EEPD1: variants seen among roughly 807,000 people sequenced by gnomAD.
EEPD1 encodes endonuclease/exonuclease/phosphatase family domain-containing protein 1.
EEPD1 carries 17 observed loss-of-function variants against 46.3 expected under a neutral mutation model. The ratio of observed to expected loss-of-function variants is 0.37; its 90% CI spans 0.25 to 0.55. The LOEUF (loss-of-function observed/expected upper bound fraction) is 0.55, where lower values mean the gene tolerates loss of function less well. Among genes scored for constraint, EEPD1 ranks in the 20% least tolerant of loss-of-function variants. The pLI is 0.83. For missense variants in EEPD1, 673 were observed against 745.6 expected (o/e 0.90, Z 1.13); for synonymous variants, 313 against 315.6 (o/e 0.99, Z 0.09).
intron 6 of EEPD1, among the ~76,000 whole-genome samples, chr7:36,289,958 G>A (rs915088099): frequency 6.6e-5 from 10 of 152,166 alleles, no homozygotes; most frequent in African/African-American, 2.2e-4. Flanking sequence ...CTTTTCTTTT[G>A]AACCAGGACA....
intron 6 of EEPD1, among the ~76,000 whole-genome samples, chr7:36,292,079 G>C (rs1456651719): frequency 6.6e-6 from 1 of 152,216 alleles, no homozygotes; most frequent in Non-Finnish European, 1.5e-5. Context: ...TCCACTGTGT[G>C]TCTCTCCCTG....
intron 2 of EEPD1, among the ~76,000 whole-genome samples, chr7:36,206,563 C>G (rs1052843324): frequency 6.6e-6 from 1 of 152,122 alleles, no homozygotes; most frequent in African/African-American, 2.4e-5. Flanking sequence ...CAGAGTGGGG[C>G]TGGAAAGCTG....
intron 5 of EEPD1, among the ~76,000 whole-genome samples, chr7:36,286,305 C>T (rs190328463): frequency 2.0e-5 from 3 of 152,282 alleles, no homozygotes; most frequent in East Asian, 3.9e-4. Context: ...AGGCACTGTG[C>T]CCCCCACCCA....
intron 2 of EEPD1, among the ~76,000 whole-genome samples, chr7:36,226,193 G>A (rs945685866): frequency 6.6e-6 from 1 of 152,178 alleles, no homozygotes; most frequent in African/African-American, 2.4e-5. Flanking sequence ...TTGTAATGCT[G>A]CTTGTCCGAA....
At chr7:36,242,758 A>G (rs1457491104) in intron 3 of EEPD1, among the ~76,000 whole-genome samples, 1 of 139,904 alleles carries the variant, frequency 7.1e-6, no homozygotes, top group Admixed American at 7.6e-5. Flanking sequence ...CTGTGTCTCT[A>G]ATAAAAATAC....
rs572954125 is a variant in EEPD1 at position 36,299,478 on chromosome 7, T to C, written c.*272T>C. On this transcript the variant is annotated 3_prime_UTR_variant, in exon 8 of 8. Transcript: ENST00000242108. ...CTGGATGCCACAGACCTGAGCAGCA[T>C]TGGGCTGGCTGTCCGCTGCTGACTG... 26 of 488,576 alleles carry C rather than the reference T, an allele frequency of 5.3e-5. No individual in the cohort carries two copies. The highest frequency in any genetic ancestry group is 4.0e-4 in the South Asian group (15 of 37,860). The allele number at this position is 488,576 out of a possible 1,614,324, so 30.3% of individuals were successfully genotyped here. A position where few individuals can be genotyped will look rare whatever the true frequency, so the allele number is the denominator to read the frequency against.
chr7:36,217,224 G>A (rs1663542874), intron 2 of EEPD1, among the ~76,000 whole-genome samples: 1 of 152,270 alleles, frequency 6.6e-6, no homozygotes, highest in African/African-American at 2.4e-5. Flanking sequence ...CTAAACAAGG[G>A]GAGGATTTTT....
intron 3 of EEPD1, among the ~76,000 whole-genome samples, chr7:36,278,891 C>T (rs1382320294): frequency 6.6e-6 from 1 of 152,204 alleles, no homozygotes; most frequent in African/African-American, 2.4e-5. Context: ...TCGCCCCTGT[C>T]AGCAGTGACT....
chr7:36,300,265 G>C lies in EEPD1; in HGVS notation c.*1059G>C, dbSNP rs1416860552. ...TGGAGAGAGGTTGTGGGGAGGAAGC[G>C]AGGATGCGTGCCTGCCACTAGGCAT... On this transcript the variant is annotated 3_prime_UTR_variant, in exon 8 of 8. Transcript: ENST00000242108. 3 of 152,264 alleles carry C rather than the reference G, an allele frequency of 2.0e-5. No homozygotes were observed. The highest frequency in any genetic ancestry group is 2.0e-4 in the Admixed American group (3 of 15,284). The allele number at this position is 152,264 out of a possible 1,614,324, so 9.4% of individuals were successfully genotyped here. A position where few individuals can be genotyped will look rare whatever the true frequency, so the allele number is the denominator to read the frequency against.
intron 3 of EEPD1, among the ~76,000 whole-genome samples, chr7:36,239,460 G>C (rs1181527197): frequency 2.0e-5 from 3 of 152,018 alleles, no homozygotes; most frequent in African/African-American, 7.2e-5. Context: ...ACTTGCCTAA[G>C]GCAAATGAAC....
chr7:36,179,639 T>G (rs1050702116), intron 2 of EEPD1, among the ~76,000 whole-genome samples: 15 of 137,168 alleles, frequency 1.1e-4, no homozygotes, highest in African/African-American at 4.2e-4. Context: ...GGTGGGCAGA[T>G]CATTTAGGCC....
chr7:36,207,894 T>G (rs891894303), intron 2 of EEPD1, among the ~76,000 whole-genome samples: 104 of 150,446 alleles, frequency 6.9e-4, no homozygotes, highest in African/African-American at 9.2e-4. Flanking sequence ...AGGAGTTTTT[T>G]TTTTTTTTTT....
chr7:36,226,369 G>A (rs1038685868), intron 2 of EEPD1, among the ~76,000 whole-genome samples: 1 of 152,178 alleles, frequency 6.6e-6, no homozygotes, highest in Non-Finnish European at 1.5e-5. Context: ...CTCTGCTCCC[G>A]GCCACAGAAG....
At chr7:36,213,802 G>A (rs1449268386) in intron 2 of EEPD1, among the ~76,000 whole-genome samples, 4 of 152,246 alleles carry the variant, frequency 2.6e-5, no homozygotes, top group Non-Finnish European at 4.4e-5. Flanking sequence ...ATTGGTGGGC[G>A]TGTACCCCCC....
At chr7:36,264,635 T>C (rs1279571259) in intron 3 of EEPD1, among the ~76,000 whole-genome samples, 1 of 152,222 alleles carries the variant, frequency 6.6e-6, no homozygotes, top group Non-Finnish European at 1.5e-5. Context: ...CTGTCTCTCC[T>C]TCTCTGTGTC....
In EEPD1 at chr7:36,190,573, A is replaced by G. The variant is rs530873339; in HGVS notation, c.878+35371A>G. Among the ~76,000 whole-genome samples the G allele has an allele frequency of 3.9e-5, 6 of 152,358 alleles. No homozygotes were observed. In the South Asian group the frequency reaches 1.0e-3, roughly 26 times the overall value. ...CATTTTTAGACATGGGCCACCATGC[A>G]GGTGAATCTGTGGGAGTGATAACCA... On this transcript the variant is annotated intron_variant, in intron 2 of 7. Transcript: ENST00000242108.
chr7:36,241,426 T>C (rs1031568579), intron 3 of EEPD1, among the ~76,000 whole-genome samples: 2 of 152,072 alleles, frequency 1.3e-5, no homozygotes, highest in East Asian at 3.9e-4. Flanking sequence ...TGAGCTGAGA[T>C]TGCACCATTG....
At chr7:36,187,734 C>T (rs1397400485) in intron 2 of EEPD1, among the ~76,000 whole-genome samples, 1 of 152,102 alleles carries the variant, frequency 6.6e-6, no homozygotes. Context: ...GTCTGAGTCC[C>T]CTGCAAGTCC....
chr7:36,285,308 T>C (rs563659078), intron 5 of EEPD1, among the ~76,000 whole-genome samples: 166 of 152,294 alleles, frequency 1.1e-3, no homozygotes, highest in Non-Finnish European at 1.7e-3. Context: ...AGCCCCTTCT[T>C]ATCGGCTGCA....
Sources: gnomAD v4.1 joint callset for allele counts (sites outside exome capture counted in the v4.1 genomes callset) on GRCh38, gnomAD v4.1.1 for gene constraint, MANE v1.5 for transcripts, NCBI Gene and HGNC (gene_info 2026-07-23, HGNC 2026-07-21) for gene names.